The following PKD1L1 variants were observed in gnomAD, a reference collection of about 807,000 sequenced individuals.
The protein encoded by PKD1L1 is polycystin-1-like protein 1.
Under a neutral mutation model 323.4 loss-of-function variants are expected in PKD1L1, and 236 were observed. The ratio of observed to expected loss-of-function variants is 0.73; its 90% CI spans 0.66 to 0.81. The LOEUF is 0.81. Ranked by LOEUF, PKD1L1 falls within the 40% of genes least tolerant of loss-of-function variation. The probability of loss-of-function intolerance (pLI) is 0.00; values close to 1 mark genes in which losing one functional copy is unlikely to be tolerated. For synonymous variants in PKD1L1, 1,344 were observed against 1,335.0 expected, an observed-to-expected ratio of 1.01 and a Z score of -0.15; for missense variants, 3,320 against 3,508.0, an observed-to-expected ratio of 0.95 and a Z score of 1.35.
At chr7:47,872,422 G>A (rs991660639) in intron 24 of PKD1L1, among the ~76,000 whole-genome samples, 1 of 152,168 alleles carries the variant, frequency 6.6e-6, no homozygotes, top group Non-Finnish European at 1.5e-5. Flanking sequence ...AGGCAGCATA[G>A]TACTGGTATG....
chr7:47,791,028 C>A (rs1786932952), intron 56 of PKD1L1, among the ~76,000 whole-genome samples: 1 of 152,204 alleles, frequency 6.6e-6, no homozygotes, highest in Admixed American at 6.5e-5. Context: ...AGCCACTACA[C>A]CCACCCATGT....
chr7:47,831,177 TCTGAGGAC>T, intron 42 of PKD1L1, 32 bp downstream of exon 42: 1 of 1,586,430 alleles, frequency 6.3e-7, no homozygotes, highest in Non-Finnish European at 8.6e-7. Context: ...AGACTTTCCA[TCTGAGGAC>T]CTGAGGATGT....
chr7:47,832,769 G>A (rs569283647), intron 41 of PKD1L1, among the ~76,000 whole-genome samples: 1 of 152,376 alleles, frequency 6.6e-6, no homozygotes, highest in Non-Finnish European at 1.5e-5. Flanking sequence ...ATAATTGGAA[G>A]CTGGGACTAT....
At chr7:47,778,957 A>G (rs942055781) in intron 56 of PKD1L1, among the ~76,000 whole-genome samples, 1 of 152,252 alleles carries the variant, frequency 6.6e-6, no homozygotes, top group African/African-American at 2.4e-5. Context: ...AATGATATTC[A>G]GCTAACAGGT....
intron 21 of PKD1L1, among the ~76,000 whole-genome samples, chr7:47,880,158 G>C (rs1473331928): frequency 8.1e-6 from 1 of 123,204 alleles, no homozygotes; most frequent in Non-Finnish European, 1.6e-5. Flanking sequence ...CACCTTTCTA[G>C]GGTTTAAATA....
intron 13 of PKD1L1, among the ~76,000 whole-genome samples, chr7:47,901,336 AAAAAAAAAAAAAG>A (rs1257266971): frequency 1.3e-5 from 2 of 151,100 alleles, no homozygotes; most frequent in Non-Finnish European, 2.9e-5. Flanking sequence ...TCAAAAAAAA[AAAAAAAAAAAAAG>A]AAAAGAAAAA....
At chr7:47,776,768 T>C (rs1786577791) in intron 56 of PKD1L1, among the ~76,000 whole-genome samples, 1 of 152,182 alleles carries the variant, frequency 6.6e-6, no homozygotes, top group South Asian at 2.1e-4. Context: ...AATAGCACCA[T>C]TATGGAGAGA....
chr7:47,852,235 C>G (rs1785797241), intron 31 of PKD1L1, among the ~76,000 whole-genome samples: 1 of 151,964 alleles, frequency 6.6e-6, no homozygotes, highest in African/African-American at 2.4e-5. Context: ...TGGTGAATCT[C>G]AAGGAAAAGG....
rs541457323 is a variant in PKD1L1 at position 47,874,013 on chromosome 7, G to A, written c.3785-3C>T. On this transcript the variant is annotated splice_polypyrimidine_tract_variant and splice_region_variant and intron_variant, in intron 23 of 56. Coordinates refer to ENST00000289672, the MANE Select transcript of PKD1L1 (RefSeq NM_138295.5). ...TGTGATTTCAGTGGAAACCATGACT[G>A]TGAGGGAACATGTCAGAAGAGGGTC... 1.0e-5 allele frequency: 16 copies of A among 1,588,004 alleles called. No individual in the cohort carries two copies. In the African/African-American group the frequency reaches 2.1e-4, roughly 21 times the overall value.
At position 47,893,904 on chromosome 7, in the gene PKD1L1, G is replaced by T; in HGVS notation, c.2427C>A (p.Asp809Glu). The T allele has an allele frequency of 1.9e-6, 3 of 1,613,898 alleles. No homozygotes were observed. Among genetic ancestry groups the T allele is most frequent in the Middle Eastern group, 3.3e-4 (2 of 6,034 alleles). Residue 809 changes from aspartate to glutamate, a missense_variant, in exon 15 of 57, where the codon GAC (aspartate) becomes GAA (glutamate). Transcript: ENST00000289672. Reference protein sequence around the residue: ...PIVLRGTQSFDPDDPGATLRY... With the variant: ...PIVLRGTQSFEPDDPGATLRY... The stretch of plus-strand genomic sequence containing the variant: ...TGAGAGTCGCCCCAGGGTCGTCAGG[G>T]TCGAAGGACTGGGTCCCTCTGAGGA...
At chr7:47,938,175 G>A (rs1299041581) in intron 3 of PKD1L1, among the ~76,000 whole-genome samples, 5 of 152,242 alleles carry the variant, frequency 3.3e-5, no homozygotes, top group South Asian at 4.1e-4. Flanking sequence ...CAACGGCCCA[G>A]CCCCTCCCTG....
chr7:47,872,770 T>C (rs6970386), intron 24 of PKD1L1, among the ~76,000 whole-genome samples: 49,308 of 151,850 alleles, frequency 0.32, 8,554 homozygotes, highest in African/African-American at 0.43. Context: ...CTACGGAAAA[T>C]AGTTTGGTAG....
Position 47,882,074 on chromosome 7 carries a change from T to C in PKD1L1, c.3277A>G (p.Ser1093Gly). 6.2e-7 allele frequency: 1 copy of C among 1,613,336 alleles called. No homozygotes were observed. The highest frequency in any genetic ancestry group is 1.1e-5 in the South Asian group (1 of 90,988). The change falls in exon 20 of 57, where the codon AGC becomes GGC. Residue 1093 changes from serine (S) to glycine (G), a missense_variant. By Grantham distance (56) the Ser-to-Gly change is moderately conservative (BLOSUM62 0). Coordinates refer to ENST00000289672, the MANE Select transcript of PKD1L1 (RefSeq NM_138295.5). ...SGGRQPAKDTSFPGSGPSLSA... is the reference protein window; with the variant it reads ...SGGRQPAKDTGFPGSGPSLSA... The stretch of plus-strand genomic sequence containing the variant: ...AAGCTAGGTCCTGATCCTGGAAAGC[T>C]GGTGTCCTTAGCTAGGAAGATAAAC...
At chr7:47,932,654 G>A (rs547330214) in intron 4 of PKD1L1, among the ~76,000 whole-genome samples, 11 of 152,250 alleles carry the variant, frequency 7.2e-5, no homozygotes, top group African/African-American at 2.6e-4. Flanking sequence ...GAGCCCTGCA[G>A]GAGTGGGTGA....
rs568891453 is a variant in PKD1L1 at position 47,892,665 on chromosome 7, A to G, written c.2453+1213T>C. On this transcript the variant is annotated intron_variant, in intron 15 of 56. Transcript: ENST00000289672. ...AGACTTTAACACCACTAATATATCC[A>G]TGTAACAAAACTGCACTCATATCCC... Among the ~76,000 whole-genome samples the G allele has an allele frequency of 6.6e-5, 10 of 152,312 alleles. No individual in the cohort carries two copies. The South Asian group carries it at 2.1e-3, about 32-fold the overall frequency.
rs771463115 is a variant in PKD1L1 at position 47,890,780 on chromosome 7, C to T, written c.2454-17G>A. ...CAGTGATACCTGTTGGAGAAGTCAT[C>T]GGAGTGGCTGAGGGGAGCATCAGGC... On this transcript the variant is annotated splice_polypyrimidine_tract_variant and intron_variant, in intron 15 of 56. Transcript: ENST00000289672. 6.8e-6 allele frequency: 11 copies of T among 1,609,828 alleles called. No homozygotes were observed. The highest frequency in any genetic ancestry group is 3.3e-5 in the Admixed American group (2 of 59,884).
intron 24 of PKD1L1, among the ~76,000 whole-genome samples, chr7:47,870,272 A>G (rs940094066): frequency 1.3e-5 from 2 of 152,140 alleles, no homozygotes; most frequent in Non-Finnish European, 2.9e-5. Flanking sequence ...GAAATAGAGA[A>G]TAGAAAAACA....
At chr7:47,943,199 T>A (rs1788033374) in intron 2 of PKD1L1, among the ~76,000 whole-genome samples, 197 bp downstream of exon 2, 2 of 143,444 alleles carry the variant, frequency 1.4e-5, no homozygotes, top group Non-Finnish European at 1.5e-5. Context: ...TATATATATG[T>A]GTGTGTACCA....
At chr7:47,780,780 G>A (rs771695789) in intron 56 of PKD1L1, among the ~76,000 whole-genome samples, 8 of 152,186 alleles carry the variant, frequency 5.3e-5, no homozygotes, top group Non-Finnish European at 1.0e-4. Flanking sequence ...AGCATTCCAT[G>A]ATATGAAGGG....
Sources: allele counts gnomAD v4.1 joint callset (sites outside exome capture counted in the v4.1 genomes callset), GRCh38; gene constraint gnomAD v4.1.1; transcripts MANE v1.5; gene names NCBI Gene and HGNC (gene_info 2026-07-23, HGNC 2026-07-21).